The following ZNF585B variants were observed in gnomAD, a reference collection of about 807,000 sequenced individuals.
ZNF585B encodes zinc finger protein 585B.
ZNF585B carries 7 observed loss-of-function variants against 14.0 expected under a neutral mutation model. The observed-to-expected ratio is 0.50, with a 90% CI of 0.28 to 0.94. The LOEUF (loss-of-function observed/expected upper bound fraction) is 0.94, where lower values mean the gene tolerates loss of function less well. Ranked by LOEUF, ZNF585B falls within the 40% of genes least tolerant of loss-of-function variation. The pLI is 0.09. For missense variants in ZNF585B, 750 were observed against 924.4 expected, an observed-to-expected ratio of 0.81 and a Z score of 2.45; for synonymous variants, 290 against 317.3, an observed-to-expected ratio of 0.91 and a Z score of 0.91.
At chr19:37,207,659 A>G (rs572599138) in intron 1 of ZNF585B, among the ~76,000 whole-genome samples, 3 of 152,344 alleles carry the variant, frequency 2.0e-5, no homozygotes, top group Admixed American at 1.3e-4. Context: ...TTCAGAAATA[A>G]GGATGAAAAT....
chr19:37,198,910 T>A (rs1486580131), intron 2 of ZNF585B: 2 of 1,254,428 alleles, frequency 1.6e-6, no homozygotes, highest in South Asian at 1.5e-5. Flanking sequence ...TAATTTTTAA[T>A]ATGTAAAATT....
At chr19:37,190,570 G>GA (rs1568507976) in intron 2 of ZNF585B, 1 of 149,814 alleles carries the variant, frequency 6.7e-6, no homozygotes, top group Non-Finnish European at 1.4e-5. Flanking sequence ...TTTTGTTTTT[G>GA]TTTTTTTTCC....
At position 37,203,786 on chromosome 19, in the gene ZNF585B, G is replaced by A. The variant is rs145556246; in HGVS notation, c.72+3254C>T. Among the ~76,000 whole-genome samples the A allele has an allele frequency of 2.1e-3, 326 of 152,102 alleles. 4 individuals carry two copies. The highest frequency in any genetic ancestry group is 7.6e-3 in the African/African-American group (314 of 41,512). ...TGGGATTACAGGCATGGGCCACCAC[G>A]CCCAGCTAATTTTGTATTTTTGGTG... is the stretch of plus-strand genomic sequence containing the variant. On this transcript the variant is annotated intron_variant, in intron 2 of 4. Transcript: ENST00000532828.
intron 2 of ZNF585B, among the ~76,000 whole-genome samples, chr19:37,190,928 A>G (rs1972393761): frequency 1.3e-5 from 2 of 152,316 alleles, no homozygotes; most frequent in South Asian, 4.1e-4. Context: ...AAAAATTTTA[A>G]ACATACAGAA....
At chr19:37,190,231 G>A (rs1194886835) in intron 2 of ZNF585B, 81 bp from the exon 3 acceptor site, 1 of 1,557,608 alleles carries the variant, frequency 6.4e-7, no homozygotes, top group East Asian at 2.3e-5. Flanking sequence ...CGGAACATGG[G>A]TTTTGTTGTT....
chr19:37,190,054 G>C lies in ZNF585B; in HGVS notation c.169C>G (p.Leu57Val). Residue 57 changes from leucine (L) to valine (V), a missense_variant, in exon 3 of 5, where the codon CTG (leucine) becomes GTG (valine). Leu to Val is a conservative substitution (Grantham distance 32, BLOSUM62 1). Around this residue, in one of 2 missense-constraint regions of ZNF585B, gnomAD observed 517 missense variants for 570.3 expected, o/e 0.91. Coordinates refer to ENST00000532828, the MANE Select transcript of ZNF585B (RefSeq NM_152279.4). ...SQRNLYRDVMLETYSHLLSVG... is the reference protein window; with the variant it reads ...SQRNLYRDVMVETYSHLLSVG... Reference sequence around the variant, plus strand: ...GAGAGCAGGTGGCTGTAGGTCTCCAGCATCACATCCCGGTACAGGTTTCTC... The same window carrying C: ...GAGAGCAGGTGGCTGTAGGTCTCCACCATCACATCCCGGTACAGGTTTCTC... The C allele has an allele frequency of 1.9e-6, 3 of 1,614,084 alleles. No individual in the cohort carries two copies. The highest frequency in any genetic ancestry group is 8.5e-7 in the Non-Finnish European group (1 of 1,180,018).
In ZNF585B at chr19:37,207,179, C is replaced by A; in HGVS notation, c.-68G>T. The stretch of plus-strand genomic sequence containing the variant: ...GTTTAGTGGTCATCTGTGAACTCAG[C>A]AGAGCTGCTCCGAAGAGGTGGGCTG... On this transcript the variant is annotated 5_prime_UTR_variant, in exon 2 of 5. Coordinates refer to ENST00000532828, the MANE Select transcript of ZNF585B (RefSeq NM_152279.4). 6.2e-7 allele frequency: 1 copy of A among 1,605,984 alleles called. No homozygotes were observed.
At chr19:37,209,463 G>T (rs1422373896) in intron 1 of ZNF585B, among the ~76,000 whole-genome samples, 4 of 152,090 alleles carry the variant, frequency 2.6e-5, no homozygotes, top group African/African-American at 9.7e-5. Flanking sequence ...ATATAAAGCA[G>T]AAACAGAAGA....
rs147565276 is a variant in ZNF585B at position 37,204,299 on chromosome 19, C to T, written c.72+2741G>A. On this transcript the variant is annotated intron_variant, in intron 2 of 4. Transcript: ENST00000532828. The stretch of plus-strand genomic sequence containing the variant: ...TTTTTAAATGAGGACAAAAGCAGTC[C>T]TAACCTCTGAGAGTTAGCCTCGTAC... Among the ~76,000 whole-genome samples, 319 of 152,288 alleles carry T rather than the reference C, an allele frequency of 2.1e-3. 4 individuals carry two copies. Among genetic ancestry groups the T allele is most frequent in the African/African-American group, 7.5e-3 (312 of 41,570 alleles).
intron 2 of ZNF585B, among the ~76,000 whole-genome samples, chr19:37,202,164 G>A (rs923421949): frequency 2.6e-5 from 4 of 151,928 alleles, no homozygotes; most frequent in African/African-American, 9.7e-5. Flanking sequence ...ACAGGCGCCC[G>A]CCTAATTTTT....
intron 2 of ZNF585B, among the ~76,000 whole-genome samples, chr19:37,202,461 T>C (rs942227629): frequency 6.6e-6 from 1 of 152,238 alleles, no homozygotes; most frequent in Non-Finnish European, 1.5e-5. Context: ...CTCAAAACTT[T>C]GGCATGAAAA....
intron 2 of ZNF585B, among the ~76,000 whole-genome samples, chr19:37,200,780 G>T (rs576657656): frequency 6.6e-6 from 1 of 151,344 alleles, no homozygotes; most frequent in Admixed American, 6.6e-5. Context: ...TTATAAAGCC[G>T]CCACTAAAAG....
chr19:37,207,314 C>A, intron 1 of ZNF585B, 60 bp from the exon 2 acceptor site: 1 of 1,297,640 alleles, frequency 7.7e-7, no homozygotes, highest in South Asian at 1.7e-5. Flanking sequence ...TTCCTGGATA[C>A]ACCAAGGTGC....
At chr19:37,189,862 A>T (rs754686910) in intron 3 of ZNF585B, 109 bp from the exon 4 acceptor site, 1 of 1,573,378 alleles carries the variant, frequency 6.4e-7, no homozygotes, top group Non-Finnish European at 8.7e-7. Context: ...AAGTAACCAG[A>T]TATCTCTGAG....
rs1473240541 is a variant in ZNF585B at position 37,184,479 on chromosome 19, AG to A, written c.*747del. 10 of 123,552 alleles carry A rather than the reference AG, an allele frequency of 8.1e-5. No individual in the cohort carries two copies. The highest frequency in any genetic ancestry group is 1.6e-4 in the Non-Finnish European group (9 of 57,824). 7.7% of individuals were successfully genotyped at this position (123,552 alleles called of 1,614,324 possible). A position where few individuals can be genotyped will look rare whatever the true frequency, so the allele number is the denominator to read the frequency against. On this transcript the variant is annotated 3_prime_UTR_variant, in exon 5 of 5. Coordinates refer to ENST00000532828, the MANE Select transcript of ZNF585B (RefSeq NM_152279.4). ...AAGAAAGAAAGAAAGAAAGAAAGAA[AG>A]AAAGAAAGAAAGAAAGAAAGAAAGA...
chr19:37,201,786 T>G (rs983904489), intron 2 of ZNF585B, among the ~76,000 whole-genome samples: 2 of 152,212 alleles, frequency 1.3e-5, no homozygotes, highest in Non-Finnish European at 2.9e-5. Context: ...ATTTCATTCT[T>G]TTTTTCTAGA....
intron 2 of ZNF585B, chr19:37,199,420 C>T: frequency 2.3e-6 from 1 of 426,622 alleles, no homozygotes; most frequent in Non-Finnish European, 4.6e-6. Flanking sequence ...AGCTACTCGG[C>T]AGGCTAAGGT....
At chr19:37,189,509 G>T in intron 4 of ZNF585B, 152 bp downstream of exon 4, 1 of 732,072 alleles carries the variant, frequency 1.4e-6, no homozygotes, top group Non-Finnish European at 2.3e-6. Flanking sequence ...GGCATTTAGT[G>T]ATCTGAGAGG....
chr19:37,209,723 C>CTTTTTTTTTTT lies in ZNF585B; in HGVS notation c.-144+707_-144+717dup, dbSNP rs755649009. On this transcript the variant is annotated intron_variant, in intron 1 of 4. Coordinates refer to ENST00000532828, the MANE Select transcript of ZNF585B (RefSeq NM_152279.4). ...ACTAATTGAAACATAAAGTGCACTT[C>CTTTTTTTTTTT]TTTTTTTTTTTTTTTTTTTTGGTGC... is the stretch of plus-strand genomic sequence containing the variant. Among the ~76,000 whole-genome samples, 2 of 117,996 alleles carry CTTTTTTTTTTT rather than the reference C, an allele frequency of 1.7e-5. 1 individual carries two copies. The allele number at this position is 117,996 out of a possible 152,430, so 77.4% of individuals were successfully genotyped here. A position where few individuals can be genotyped will look rare whatever the true frequency, so the allele number is the denominator to read the frequency against.
Sources: gnomAD v4.1 joint callset for allele counts (sites outside exome capture counted in the v4.1 genomes callset) on GRCh38, gnomAD v4.1.1 for gene constraint, gnomAD v4.1.1 regional missense constraint, MANE v1.5 for transcripts, NCBI Gene and HGNC (gene_info 2026-07-23, HGNC 2026-07-21) for gene names.